Variants in NBEA observed in about 807,000 individuals in gnomAD.
The protein encoded by NBEA is lysosomal-trafficking regulator 2.
Under a neutral mutation model 343.4 loss-of-function variants are expected in NBEA, and 44 were observed. The ratio of observed to expected loss-of-function variants is 0.13; its 90% confidence interval spans 0.10 to 0.16. NBEA has a LOEUF of 0.16. NBEA is among the 10% of genes least tolerant of loss of function. The probability of loss-of-function intolerance (pLI) is 1.00; values close to 1 mark genes in which losing one functional copy is unlikely to be tolerated. For synonymous variants in NBEA, 1,175 were observed against 1,238.7 expected, an observed-to-expected ratio of 0.95 and a Z score of 1.08; for missense variants, 2,555 against 3,631.3, an observed-to-expected ratio of 0.70 and a Z score of 7.62.
At chr13:35,124,696 A>G (rs1280587395) in intron 17 of NBEA, among the ~76,000 whole-genome samples, 1 of 151,608 alleles carries the variant, frequency 6.6e-6, no homozygotes, top group Non-Finnish European at 1.5e-5. Context: ...ATGGATATAT[A>G]TACACACATA....
chr13:35,163,494 G>A (rs73502439), intron 23 of NBEA, among the ~76,000 whole-genome samples: 2,369 of 151,828 alleles, frequency 0.016, 67 homozygotes, highest in African/African-American at 0.054. Flanking sequence ...TTAACTAGGC[G>A]TGGTGGTGTC....
In NBEA at chr13:34,965,524, T is replaced by G. The variant is rs1381783987; in HGVS notation, c.294+22410T>G. 6.6e-5 allele frequency among the ~76,000 whole-genome samples: 10 copies of G among 152,128 alleles called. No individual in the cohort carries two copies. The East Asian group carries it at 7.7e-4, about 12-fold the overall frequency. On this transcript the variant is annotated intron_variant, in intron 1 of 58. Coordinates refer to ENST00000379939, the MANE Select transcript of NBEA (RefSeq NM_001385012.1). ...CAGTAGACTGGTGGAGTGAGGGCAT[T>G]CCAGATAAAGAAATCTGAATTGGCA...
chr13:35,583,879 A>G lies in NBEA; in HGVS notation c.7036-19A>G. ...CTAATATGACTGTATTAAACAAAAT[A>G]TTTTTTTTCTTTTAATAGCCAATTG... On this transcript the variant is annotated intron_variant, in intron 45 of 58. Transcript: ENST00000379939. 2 of 1,591,476 alleles carry G rather than the reference A, an allele frequency of 1.3e-6. No individual in the cohort carries two copies. Among genetic ancestry groups the G allele is most frequent in the Non-Finnish European group, 1.7e-6 (2 of 1,166,882 alleles).
At chr13:34,971,471 A>G (rs1034938665) in intron 1 of NBEA, among the ~76,000 whole-genome samples, 4 of 152,146 alleles carry the variant, frequency 2.6e-5, no homozygotes, top group Non-Finnish European at 5.9e-5. Flanking sequence ...CCCATTCAGT[A>G]TGATGTTGGC....
At chr13:35,073,906 C>A (rs2063991939) in intron 10 of NBEA, among the ~76,000 whole-genome samples, 1 of 152,156 alleles carries the variant, frequency 6.6e-6, no homozygotes, top group Non-Finnish European at 1.5e-5. Context: ...CACACCACTG[C>A]TCTTCAGCCT....
In NBEA at chr13:35,654,950, C is replaced by T; in HGVS notation, c.8131C>T (p.Arg2711Cys). ...AHCFVVTADNRYILICGFWDK... is the reference protein window; with the variant it reads ...AHCFVVTADNCYILICGFWDK... ...TTGTTTTGTGGTAACAGCAGATAAT[C>T]GCTATATTCTTATCTGTGGATTCTG... Residue 2711 changes from arginine to cysteine, a missense_variant, in exon 54 of 59, where the codon CGC becomes TGC. Arg to Cys is a radical substitution (Grantham distance 180, BLOSUM62 -3). Coordinates refer to ENST00000379939, the MANE Select transcript of NBEA (RefSeq NM_001385012.1). 1 of 1,584,110 alleles carries T rather than the reference C, an allele frequency of 6.3e-7. No homozygotes were observed.
chr13:35,631,642 A>T (rs904379057), intron 49 of NBEA, among the ~76,000 whole-genome samples: 11 of 67,092 alleles, frequency 1.6e-4, no homozygotes, highest in African/African-American at 4.8e-4. Flanking sequence ...CCTTTGTAAA[A>T]AAAAAAAAAA....
chr13:35,530,948 T>G (rs763620612), intron 41 of NBEA, among the ~76,000 whole-genome samples: 15 of 152,220 alleles, frequency 9.9e-5, no homozygotes, highest in Non-Finnish European at 2.1e-4. Context: ...TGACAGAGTT[T>G]TCTGCCTGTG....
intron 43 of NBEA, among the ~76,000 whole-genome samples, chr13:35,552,821 A>C (rs546717518): frequency 6.6e-6 from 1 of 152,018 alleles, no homozygotes; most frequent in East Asian, 1.9e-4. Context: ...CTTTTATTTT[A>C]TTTCTTACCT....
chr13:35,531,775 A>C (rs2078273747), intron 41 of NBEA, among the ~76,000 whole-genome samples: 1 of 152,208 alleles, frequency 6.6e-6, no homozygotes, highest in African/African-American at 2.4e-5. Context: ...GAGCTATTCC[A>C]GGGAGAAATT....
chr13:35,260,790 C>T (rs1177031697), intron 34 of NBEA, among the ~76,000 whole-genome samples: 1 of 152,170 alleles, frequency 6.6e-6, no homozygotes, highest in Non-Finnish European at 1.5e-5. Context: ...GTTTTTCTAT[C>T]TCTAATCAGC....
chr13:35,008,344 T>C (rs761896673), intron 1 of NBEA, among the ~76,000 whole-genome samples: 1 of 152,180 alleles, frequency 6.6e-6, no homozygotes, highest in African/African-American at 2.4e-5. Context: ...TTAAGGAAAA[T>C]GGCTTAATAT....
At chr13:34,969,303 A>C (rs1331069491) in intron 1 of NBEA, among the ~76,000 whole-genome samples, 1 of 151,240 alleles carries the variant, frequency 6.6e-6, no homozygotes, top group East Asian at 1.9e-4. Flanking sequence ...AACATTTAAA[A>C]TTTTTTGGTT....
At chr13:35,497,006 A>G (rs1039543471) in intron 41 of NBEA, among the ~76,000 whole-genome samples, 4 of 152,094 alleles carry the variant, frequency 2.6e-5, no homozygotes, top group African/African-American at 4.8e-5. Context: ...TCCTAAGTCT[A>G]TGCTTCAGTC....
At chr13:35,086,111 T>C (rs1210919484) in intron 10 of NBEA, among the ~76,000 whole-genome samples, 3 of 152,078 alleles carry the variant, frequency 2.0e-5, no homozygotes, top group Non-Finnish European at 4.4e-5. Context: ...CATTCCATGC[T>C]CATGGGTAGG....
intron 45 of NBEA, among the ~76,000 whole-genome samples, chr13:35,582,747 A>G (rs1313386891): frequency 2.6e-5 from 4 of 152,188 alleles, no homozygotes; most frequent in East Asian, 3.9e-4. Flanking sequence ...AGAGTTTATT[A>G]TGGAAATTCT....
chr13:35,615,129 C>CAAAAAAAAAA (rs34475826), intron 48 of NBEA, among the ~76,000 whole-genome samples: 9 of 110,972 alleles, frequency 8.1e-5, no homozygotes, highest in African/African-American at 1.4e-4. Flanking sequence ...ACTAAAAATA[C>CAAAAAAAAAA]AAAAAAAAAA....
intron 38 of NBEA, among the ~76,000 whole-genome samples, chr13:35,401,416 T>C (rs1252779978): frequency 6.6e-6 from 1 of 152,056 alleles, no homozygotes; most frequent in East Asian, 1.9e-4. Context: ...CAATAAGTGT[T>C]ACTTAAATAA....
chr13:35,599,281 T>A (rs948550813), intron 47 of NBEA, among the ~76,000 whole-genome samples: 2 of 152,228 alleles, frequency 1.3e-5, no homozygotes, highest in African/African-American at 4.8e-5. Flanking sequence ...CAGTTTCTGT[T>A]TTGGTCATTT....
Sources: allele counts gnomAD v4.1 joint callset (sites outside exome capture counted in the v4.1 genomes callset), GRCh38; gene constraint gnomAD v4.1.1; transcripts MANE v1.5; gene names NCBI Gene and HGNC (gene_info 2026-07-23, HGNC 2026-07-21).